The following UBE3C variants were observed in gnomAD, a reference collection of about 807,000 sequenced individuals.
The protein encoded by UBE3C is ubiquitin-protein ligase E3C.
Under a neutral mutation model 129.4 loss-of-function variants are expected in UBE3C, and 42 were observed. The ratio of observed to expected loss-of-function variants is 0.32; its 90% CI spans 0.25 to 0.42. UBE3C has a LOEUF of 0.42. Ranked by LOEUF, UBE3C falls within the 10% of genes least tolerant of loss-of-function variation. The pLI, the probability that UBE3C is intolerant of heterozygous loss-of-function variation, is 1.00. For missense variants in UBE3C, 1,049 were observed against 1,319.1 expected (o/e 0.80, Z 3.17); for synonymous variants, 510 against 492.4 (o/e 1.04, Z -0.47).
chr7:157,170,278 G>A (rs778128485), intron 3 of UBE3C, 26 bp from the exon 4 acceptor site: 6 of 1,449,080 alleles, frequency 4.1e-6, no homozygotes, highest in Middle Eastern at 3.7e-4. Context: ...ATATTTATGG[G>A]TCATTTTGTT....
chr7:157,192,908 A>G, intron 10 of UBE3C: 1 of 704,980 alleles, frequency 1.4e-6, no homozygotes, highest in Non-Finnish European at 2.5e-6. Flanking sequence ...CATTTGAGGT[A>G]GTGAATGCCA....
At chr7:157,230,960 C>T (rs1195359739) in intron 17 of UBE3C, 120 bp from the exon 18 acceptor site, 8 of 1,363,336 alleles carry the variant, frequency 5.9e-6, no homozygotes, top group Non-Finnish European at 8.0e-6. Flanking sequence ...GTTTTGAGTC[C>T]TATGTTAAAA....
At chr7:157,230,987 A>G in intron 17 of UBE3C, 93 bp from the exon 18 acceptor site, 1 of 1,513,982 alleles carries the variant, frequency 6.6e-7, no homozygotes. Flanking sequence ...TAAGATCCTC[A>G]CACCCCTTCC....
intron 2 of UBE3C, among the ~76,000 whole-genome samples, chr7:157,164,218 G>A (rs1276965744): frequency 6.6e-6 from 1 of 151,788 alleles, no homozygotes; most frequent in Non-Finnish European, 1.5e-5. Context: ...GGAGTGCAGT[G>A]GCAAGATCAT....
intron 18 of UBE3C, among the ~76,000 whole-genome samples, chr7:157,234,115 T>A (rs1206312313): frequency 3.6e-5 from 1 of 27,594 alleles, no homozygotes; most frequent in Non-Finnish European, 5.9e-5. Context: ...ATAAATGATT[T>A]GCAAGTATTT....
intron 6 of UBE3C, 77 bp downstream of exon 6, chr7:157,178,924 G>A: frequency 6.5e-7 from 1 of 1,545,820 alleles, no homozygotes; most frequent in Admixed American, 1.8e-5. Context: ...GCTGCTGTGA[G>A]CCTGTGCCCT....
intron 22 of UBE3C, among the ~76,000 whole-genome samples, chr7:157,264,428 GTAC>G: frequency 9.3e-6 from 1 of 108,014 alleles, no homozygotes; most frequent in South Asian, 3.2e-4. Flanking sequence ...CACACACCTG[GTAC>G]TACAGGTGTG....
chr7:157,231,324 A>G lies in UBE3C; in HGVS notation c.2478A>G (p.Gly826=), dbSNP rs758260495. ...RHYYFLGRML[G]KALYENMLVE... ...ACTACTTCCTAGGCAGAATGCTTGGAAAGGTAAAGTAACCTTCATATAAAA... is the reference window on the plus strand; with the variant it reads ...ACTACTTCCTAGGCAGAATGCTTGGGAAGGTAAAGTAACCTTCATATAAAA... Residue 826 remains glycine, a synonymous_variant, in exon 18 of 23, where the codon GGA becomes GGG. Transcript: ENST00000348165. The G allele has an allele frequency of 6.2e-7, 1 of 1,613,490 alleles. No homozygotes were observed. Among genetic ancestry groups the G allele is most frequent in the African/African-American group, 1.3e-5 (1 of 74,902 alleles).
intron 1 of UBE3C, among the ~76,000 whole-genome samples, chr7:157,156,857 TG>T (rs1807924309): frequency 6.6e-6 from 1 of 152,090 alleles, no homozygotes. Context: ...TGATATTCCA[TG>T]TAGTGAATGC....
chr7:157,197,483 A>T (rs1809153141), intron 10 of UBE3C: 1 of 756,160 alleles, frequency 1.3e-6, no homozygotes, highest in Non-Finnish European at 2.0e-6. Flanking sequence ...ACCAAAATTT[A>T]TCTGTAAAAA....
chr7:157,167,606 C>T (rs904379660), intron 2 of UBE3C, among the ~76,000 whole-genome samples: 16 of 151,884 alleles, frequency 1.1e-4, no homozygotes, highest in South Asian at 4.2e-4. Flanking sequence ...GGCGCGATCT[C>T]GGCTCACTGC....
intron 1 of UBE3C, among the ~76,000 whole-genome samples, chr7:157,158,418 T>G (rs575858037): frequency 6.6e-6 from 1 of 152,318 alleles, no homozygotes; most frequent in Non-Finnish European, 1.5e-5. Flanking sequence ...TGAAAGTAGA[T>G]GCACAGAGTG....
chr7:157,205,456 G>T (rs775071812), intron 11 of UBE3C, among the ~76,000 whole-genome samples: 1 of 151,998 alleles, frequency 6.6e-6, no homozygotes, highest in Non-Finnish European at 1.5e-5. Context: ...AAGGATTCTT[G>T]TCGGGGATAA....
intron 18 of UBE3C, among the ~76,000 whole-genome samples, chr7:157,247,691 C>G (rs899367795): frequency 3.3e-5 from 5 of 150,304 alleles, no homozygotes; most frequent in African/African-American, 1.2e-4. Flanking sequence ...GACTCCGTCT[C>G]CAAAAAAAAA....
intron 3 of UBE3C, 117 bp downstream of exon 3, chr7:157,169,239 A>T: frequency 1.5e-6 from 1 of 665,292 alleles, no homozygotes; most frequent in South Asian, 2.7e-5. Flanking sequence ...TCTTCCCAAT[A>T]AATAATTTTA....
At chr7:157,229,144 C>T (rs888305325) in intron 17 of UBE3C, among the ~76,000 whole-genome samples, 2 of 152,194 alleles carry the variant, frequency 1.3e-5, no homozygotes, top group African/African-American at 4.8e-5. Context: ...CTGTCCCCAA[C>T]TCTCGTCCCC....
chr7:157,141,947 T>A (rs1807465208), intron 1 of UBE3C, among the ~76,000 whole-genome samples: 1 of 152,246 alleles, frequency 6.6e-6, no homozygotes, highest in Non-Finnish European at 1.5e-5. Context: ...TGCTGGGTCC[T>A]AGATGATACG....
chr7:157,220,614 T>C, intron 14 of UBE3C, 75 bp from the exon 15 acceptor site: 2 of 1,555,934 alleles, frequency 1.3e-6, no homozygotes, highest in Admixed American at 1.7e-5. Flanking sequence ...CCAGCACCAA[T>C]TCTGTTCAAG....
chr7:157,247,298 C>T (rs1796503797), intron 18 of UBE3C, among the ~76,000 whole-genome samples: 1 of 152,204 alleles, frequency 6.6e-6, no homozygotes, highest in African/African-American at 2.4e-5. Flanking sequence ...CACATGGAAA[C>T]AAGATAATTA....
Sources: gnomAD v4.1 joint callset for allele counts (sites outside exome capture counted in the v4.1 genomes callset) on GRCh38, gnomAD v4.1.1 for gene constraint, MANE v1.5 for transcripts, NCBI Gene and HGNC (gene_info 2026-07-23, HGNC 2026-07-21) for gene names.